The following NRG3 variants were observed in gnomAD, a reference collection of about 807,000 sequenced individuals.
The protein encoded by NRG3 is neuregulin 3, also known as pro-neuregulin-3, membrane-bound isoform.
In NRG3, 31 loss-of-function variants were observed where a neutral mutation model predicts 66.9. The observed-to-expected ratio is 0.46, with a 90% CI of 0.35 to 0.63. NRG3 has a LOEUF of 0.63. Ranked by LOEUF, NRG3 falls within the 20% of genes least tolerant of loss-of-function variation. NRG3 has a pLI of 0.00. For missense variants in NRG3, 910 were observed against 878.9 expected, an observed-to-expected ratio of 1.04 and a Z score of -0.45; for synonymous variants, 393 against 359.4, an observed-to-expected ratio of 1.09 and a Z score of -1.06.
chr10:82,329,452 T>C (rs2082035809), intron 1 of NRG3, among the ~76,000 whole-genome samples: 1 of 151,112 alleles, frequency 6.6e-6, no homozygotes, highest in Admixed American at 6.6e-5. Flanking sequence ...TTTTTTTTTT[T>C]TTTTAAAGAA....
At chr10:82,450,673 A>T (rs973329890) in intron 2 of NRG3, among the ~76,000 whole-genome samples, 13 of 152,272 alleles carry the variant, frequency 8.5e-5, no homozygotes, top group South Asian at 6.2e-4. Flanking sequence ...GTGGATTTTT[A>T]AAAAAGGCAC....
At chr10:82,688,225 C>G (rs1035485048) in intron 2 of NRG3, among the ~76,000 whole-genome samples, 1 of 152,196 alleles carries the variant, frequency 6.6e-6, no homozygotes, top group Non-Finnish European at 1.5e-5. Context: ...CTGTATTACA[C>G]CATTTACCAC....
chr10:82,265,264 G>C (rs1234256441), intron 1 of NRG3, among the ~76,000 whole-genome samples: 2 of 152,184 alleles, frequency 1.3e-5, no homozygotes, highest in Non-Finnish European at 2.9e-5. Context: ...AGGTGACAGA[G>C]ATCTGCTGAA....
At chr10:82,603,716 C>T (rs2047781803) in intron 2 of NRG3, among the ~76,000 whole-genome samples, 1 of 151,534 alleles carries the variant, frequency 6.6e-6, no homozygotes. Context: ...AATATATTTA[C>T]TTGTTATTCA....
At chr10:82,737,591 C>T (rs1008578388) in intron 2 of NRG3, among the ~76,000 whole-genome samples, 4 of 152,060 alleles carry the variant, frequency 2.6e-5, no homozygotes, top group African/African-American at 9.7e-5. Context: ...ACAGATTCAT[C>T]CTTTAAGCAA....
chr10:82,794,625 T>C (rs970720860), intron 3 of NRG3, among the ~76,000 whole-genome samples: 3 of 152,200 alleles, frequency 2.0e-5, no homozygotes, highest in African/African-American at 7.2e-5. Context: ...CATGCTGCTG[T>C]GTACCTAAGA....
intron 2 of NRG3, among the ~76,000 whole-genome samples, chr10:82,677,579 A>T (rs1200023977): frequency 3.3e-5 from 5 of 151,776 alleles, no homozygotes; most frequent in African/African-American, 1.2e-4. Flanking sequence ...ACTGTCTGAA[A>T]CTCTTTTCAT....
chr10:82,557,808 C>T (rs746487202), intron 2 of NRG3, among the ~76,000 whole-genome samples: 2 of 152,142 alleles, frequency 1.3e-5, no homozygotes, highest in Non-Finnish European at 2.9e-5. Context: ...CCACATTTTA[C>T]AGATGAGGAC....
intron 2 of NRG3, among the ~76,000 whole-genome samples, chr10:82,673,525 T>G (rs1246659873): frequency 6.6e-6 from 1 of 152,148 alleles, no homozygotes; most frequent in East Asian, 1.9e-4. Context: ...TATTTGGAAT[T>G]AAGGTGACAT....
At chr10:82,821,579 T>C (rs2061957739) in intron 3 of NRG3, among the ~76,000 whole-genome samples, 2 of 151,732 alleles carry the variant, frequency 1.3e-5, no homozygotes, top group South Asian at 2.1e-4. Context: ...CCTGGAAATC[T>C]ATAAACTTAG....
intron 1 of NRG3, among the ~76,000 whole-genome samples, chr10:82,326,378 TTA>T (rs1404444309): frequency 1.3e-5 from 2 of 152,146 alleles, no homozygotes; most frequent in African/African-American, 4.8e-5. Flanking sequence ...TGATGTGCCT[TTA>T]TATGGTTTTC....
chr10:82,349,728 G>C (rs532254645), intron 1 of NRG3, among the ~76,000 whole-genome samples: 7 of 152,126 alleles, frequency 4.6e-5, no homozygotes, highest in African/African-American at 1.7e-4. Context: ...CTCCGTGGGC[G>C]TAGGACCCTC....
intron 1 of NRG3, among the ~76,000 whole-genome samples, chr10:82,285,971 A>G (rs1246208060): frequency 6.6e-6 from 1 of 152,178 alleles, no homozygotes; most frequent in East Asian, 1.9e-4. Context: ...TGTACAAATA[A>G]CTGTTGATTC....
chr10:82,019,045 C>G (rs1307931033), intron 1 of NRG3, among the ~76,000 whole-genome samples: 1 of 152,060 alleles, frequency 6.6e-6, no homozygotes, highest in Non-Finnish European at 1.5e-5. Context: ...CAGTTTTTGC[C>G]CATTGAGGAT....
intron 2 of NRG3, among the ~76,000 whole-genome samples, chr10:82,552,791 A>G (rs1565062103): frequency 6.6e-6 from 1 of 152,172 alleles, no homozygotes; most frequent in Non-Finnish European, 1.5e-5. Flanking sequence ...TACCAAGGAA[A>G]TGGAGACTTA....
chr10:82,917,886 G>A lies in NRG3; in HGVS notation c.1055-33583G>A, dbSNP rs551287521. On this transcript the variant is annotated intron_variant, in intron 4 of 8. Transcript: ENST00000372141. Reference sequence around the variant, plus strand: ...TGGGCCTTGACATGGGATTGGCTTAGCCCCTTTATATTGGATTAAAATTGT... The same window carrying A: ...TGGGCCTTGACATGGGATTGGCTTAACCCCTTTATATTGGATTAAAATTGT... Among the ~76,000 whole-genome samples the A allele has an allele frequency of 2.7e-5, 4 of 150,588 alleles. No homozygotes were observed. In the South Asian group the frequency reaches 8.4e-4, roughly 32 times the overall value.
chr10:82,838,247 T>C (rs2062876930), intron 3 of NRG3, among the ~76,000 whole-genome samples: 1 of 152,146 alleles, frequency 6.6e-6, no homozygotes, highest in Non-Finnish European at 1.5e-5. Flanking sequence ...ATAAGTCAAC[T>C]CTGAAGGGTG....
intron 2 of NRG3, among the ~76,000 whole-genome samples, chr10:82,476,205 A>G (rs902691882): frequency 6.6e-6 from 1 of 152,180 alleles, no homozygotes; most frequent in African/African-American, 2.4e-5. Flanking sequence ...ACAAAACAAA[A>G]AACAAGTTTT....
chr10:82,912,715 G>A (rs1178362859), intron 4 of NRG3, among the ~76,000 whole-genome samples: 1 of 151,592 alleles, frequency 6.6e-6, no homozygotes, highest in African/African-American at 2.4e-5. Flanking sequence ...TGATGACCTG[G>A]GTTTTTGTTT....
Sources: gnomAD v4.1 joint callset for allele counts (sites outside exome capture counted in the v4.1 genomes callset) on GRCh38, gnomAD v4.1.1 for gene constraint, MANE v1.5 for transcripts, NCBI Gene and HGNC (gene_info 2026-07-23, HGNC 2026-07-21) for gene names.